The following SLC6A5 variants were observed in gnomAD, a reference collection of about 807,000 sequenced individuals.
SLC6A5 encodes the protein solute carrier family 6 member 5, also known as sodium- and chloride-dependent glycine transporter 2.
Under a neutral mutation model 90.5 loss-of-function variants are expected in SLC6A5, and 58 were observed. The observed-to-expected ratio is 0.64, with a 90% CI of 0.52 to 0.80. The LOEUF (loss-of-function observed/expected upper bound fraction) is 0.80, where lower values mean the gene tolerates loss of function less well. Among genes scored for constraint, SLC6A5 ranks in the 30% least tolerant of loss-of-function variants. The pLI is 0.00. For missense variants in SLC6A5, 1,015 were observed against 1,017.6 expected (o/e 1.00, Z 0.03); for synonymous variants, 427 against 401.4 (o/e 1.06, Z -0.76).
intron 13 of SLC6A5, among the ~76,000 whole-genome samples, chr11:20,643,415 T>C (rs1342143817): frequency 6.6e-6 from 1 of 152,146 alleles, no homozygotes; most frequent in African/African-American, 2.4e-5. Flanking sequence ...AATCCAAAGA[T>C]GATTGGGTCA....
chr11:20,624,854 G>A lies in SLC6A5; in HGVS notation c.1261-1854G>A, dbSNP rs568195052. On this transcript the variant is annotated intron_variant, in intron 7 of 15. Transcript: ENST00000525748. ...GGACTGGGGAGTCCTAGGCCAGACT[G>A]TGAAATGGTACTTCTGTTTCCAGTG... 8.5e-4 allele frequency among the ~76,000 whole-genome samples: 129 copies of A among 152,328 alleles called. 3 individuals carry two copies. In the South Asian group the frequency reaches 0.026, roughly 31 times the overall value.
intron 7 of SLC6A5, 92 bp downstream of exon 7, chr11:20,617,976 A>T: frequency 7.7e-7 from 1 of 1,306,500 alleles, no homozygotes. Context: ...GAGAGTCAGG[A>T]GCTGTGGATG....
intron 12 of SLC6A5, 126 bp from the exon 13 acceptor site, chr11:20,638,333 G>A (rs985883744): frequency 1.4e-5 from 10 of 725,396 alleles, no homozygotes; most frequent in Non-Finnish European, 2.5e-5. Context: ...TGAGAGGAGG[G>A]GAGATGCATG....
chr11:20,630,364 C>G (rs1853085345), intron 9 of SLC6A5, among the ~76,000 whole-genome samples: 1 of 152,210 alleles, frequency 6.6e-6, no homozygotes, highest in African/African-American at 2.4e-5. Flanking sequence ...CCTCTTAATA[C>G]TATCAAATTG....
Position 20,636,414 on chromosome 11 carries a change from A to G in SLC6A5, c.1732A>G (p.Thr578Ala). 6.9e-6 allele frequency: 11 copies of G among 1,587,794 alleles called. No homozygotes were observed. Among genetic ancestry groups the G allele is most frequent in the Non-Finnish European group, 9.5e-6 (11 of 1,156,114 alleles). ...FLMLLTLGLDTMFATIETIVT... is the reference protein window; with the variant it reads ...FLMLLTLGLDAMFATIETIVT... ...GATGCTCCTCACTCTTGGACTTGAC[A>G]CTATGGTGAGCCCCTTTTCCATCAG... The change falls in exon 11 of 16, where the codon ACT (threonine) becomes GCT (alanine). Residue 578 changes from threonine (T) to alanine (A), a missense_variant. Coordinates refer to ENST00000525748, the MANE Select transcript of SLC6A5 (RefSeq NM_004211.5).
At position 20,627,983 on chromosome 11, in the gene SLC6A5, TG is replaced by T. The variant is rs762164269; in HGVS notation, c.1401del (p.Trp467Ter). ...CTCTTTCCCTTTTGCCTCTCAGGTGTGGAAAGATGCTGCCACTCAGATTTTC... is the reference window on the plus strand; with the variant it reads ...CTCTTTCCCTTTTGCCTCTCAGGTGTGAAAGATGCTGCCACTCAGATTTTC... ...KWEKLTDATV[W>X]KDAATQIFFS... is the part of the protein sequence containing the mutation. On this transcript the variant is annotated frameshift_variant, in exon 9 of 16. Transcript: ENST00000525748. LOFTEE classifies it high-confidence loss of function. 6.2e-7 allele frequency: 1 copy of T among 1,613,658 alleles called. No homozygotes were observed. Among genetic ancestry groups the T allele is most frequent in the South Asian group, 1.1e-5 (1 of 91,054 alleles).
chr11:20,626,524 T>G (rs1204975937), intron 7 of SLC6A5, among the ~76,000 whole-genome samples, 184 bp from the exon 8 acceptor site: 3 of 152,116 alleles, frequency 2.0e-5, no homozygotes, highest in African/African-American at 7.2e-5. Context: ...TTTCTAGCTC[T>G]CTCTGACTCA....
intron 6 of SLC6A5, among the ~76,000 whole-genome samples, chr11:20,617,413 G>A (rs1053440008): frequency 6.6e-6 from 1 of 152,218 alleles, no homozygotes; most frequent in African/African-American, 2.4e-5. Context: ...ACCCTTGACG[G>A]TTCAGAGTTT....
rs1318357702 is a variant in SLC6A5, at chr11:20,604,400, T to C, written c.655T>C (p.Tyr219His). 3 of 1,613,886 alleles carry C rather than the reference T, an allele frequency of 1.9e-6. No homozygotes were observed. The highest frequency in any genetic ancestry group is 8.5e-7 in the Non-Finnish European group (1 of 1,179,958). The change falls in exon 3 of 16, where the codon TAC becomes CAC. Residue 219 changes from tyrosine (Y) to histidine (H), a missense_variant. By Grantham distance (83) the Tyr-to-His change is moderately conservative. Coordinates refer to ENST00000525748, the MANE Select transcript of SLC6A5 (RefSeq NM_004211.5). ...VGLGNVWRFPYLAFQNGGGAF... is the reference protein window; with the variant it reads ...VGLGNVWRFPHLAFQNGGGAF... ...GCTGGGCAATGTCTGGAGGTTTCCC[T>C]ACCTGGCCTTCCAGAACGGGGGAGG...
At chr11:20,629,891 G>A (rs1244014716) in intron 9 of SLC6A5, among the ~76,000 whole-genome samples, 2 of 151,426 alleles carry the variant, frequency 1.3e-5, no homozygotes, top group African/African-American at 4.8e-5. Context: ...TTTTTTTTTT[G>A]TGTGTGTATT....
At chr11:20,640,537 G>T (rs1020919034) in intron 13 of SLC6A5, among the ~76,000 whole-genome samples, 2 of 152,116 alleles carry the variant, frequency 1.3e-5, no homozygotes, top group African/African-American at 4.8e-5. Context: ...GAGTGCTGGT[G>T]TTGGGCTTGC....
At chr11:20,645,065 G>T (rs374869448) in intron 13 of SLC6A5, among the ~76,000 whole-genome samples, 1 of 151,896 alleles carries the variant, frequency 6.6e-6, no homozygotes, top group East Asian at 1.9e-4. Context: ...CACCTGCCTC[G>T]GCCTCCCAAA....
At chr11:20,626,336 T>C (rs971237322) in intron 7 of SLC6A5, among the ~76,000 whole-genome samples, 1 of 152,140 alleles carries the variant, frequency 6.6e-6, no homozygotes, top group African/African-American at 2.4e-5. Flanking sequence ...AGGATTCATC[T>C]TTAATGGTGG....
chr11:20,605,837 AGAG>A (rs1852568729), intron 3 of SLC6A5, among the ~76,000 whole-genome samples: 1 of 152,220 alleles, frequency 6.6e-6, no homozygotes, highest in Admixed American at 6.5e-5. Context: ...TTTCAGGAGC[AGAG>A]GAGGACTGCA....
chr11:20,617,903 C>CTAAG lies in SLC6A5; in HGVS notation c.1260+20_1260+23dup, dbSNP rs10695726. Reference sequence around the variant, plus strand: ...AGGAAAAGTAAGCACTTGGATTTATCTAAGAGAAAGCTGTGAGACACCCAG... The same window carrying CTAAG: ...AGGAAAAGTAAGCACTTGGATTTATCTAAGTAAGAGAAAGCTGTGAGACACCCAG... On this transcript the variant is annotated intron_variant, in intron 7 of 15. Transcript: ENST00000525748. 63,060 of 1,612,718 alleles carry CTAAG rather than the reference C, an allele frequency of 0.039. 7,461 individuals are homozygous for CTAAG. The East Asian group carries it at 0.39, about 10-fold the overall frequency.
Position 20,601,116 on chromosome 11 carries a change from A to G in SLC6A5, c.4-13A>G. 6.3e-7 allele frequency: 1 copy of G among 1,583,316 alleles called. No individual in the cohort carries two copies. On this transcript the variant is annotated splice_polypyrimidine_tract_variant and intron_variant, in intron 1 of 15. Coordinates refer to ENST00000525748, the MANE Select transcript of SLC6A5 (RefSeq NM_004211.5). ...TGACTTTGTTTTGCACGAACTTGAC[A>G]TTGTGTTTGCAGGATTGCAGTGCTC... is the stretch of plus-strand genomic sequence containing the variant.
At chr11:20,613,679 G>C (rs1269163930) in intron 5 of SLC6A5, among the ~76,000 whole-genome samples, 1 of 28,668 alleles carries the variant, frequency 3.5e-5, no homozygotes, top group African/African-American at 6.5e-5. Flanking sequence ...TTTTTTAAGA[G>C]ACAGGGTCTT....
rs763219532 is a variant in SLC6A5, at chr11:20,607,428, A to G, written c.812-51A>G. On this transcript the variant is annotated intron_variant, in intron 4 of 15. Coordinates refer to ENST00000525748, the MANE Select transcript of SLC6A5 (RefSeq NM_004211.5). The stretch of plus-strand genomic sequence containing the variant: ...CCCCACCCTATGCCCAACTCTAAGA[A>G]TTCCATAGCATTTAAGATGGAATGA... The G allele has an allele frequency of 2.5e-6, 4 of 1,609,180 alleles. No individual in the cohort carries two copies. The South Asian group carries it at 4.4e-5, about 18-fold the overall frequency.
chr11:20,646,778 C>A, intron 13 of SLC6A5, 56 bp from the exon 14 acceptor site: 1 of 1,250,004 alleles, frequency 8.0e-7, no homozygotes, highest in Non-Finnish European at 1.2e-6. Context: ...GCCCTGCCAC[C>A]ACCTCACCTT....
Sources: gnomAD v4.1 joint callset for allele counts (sites outside exome capture counted in the v4.1 genomes callset) on GRCh38, gnomAD v4.1.1 for gene constraint, MANE v1.5 for transcripts, NCBI Gene and HGNC (gene_info 2026-07-23, HGNC 2026-07-21) for gene names.